Variants in HRH3 observed in about 807,000 individuals in gnomAD.
The protein encoded by HRH3 is histamine H3 receptor.
HRH3 carries 13 observed loss-of-function variants against 21.6 expected under a neutral mutation model. The ratio of observed to expected loss-of-function variants is 0.60; its 90% confidence interval spans 0.39 to 0.96. The LOEUF (loss-of-function observed/expected upper bound fraction) is 0.96. Among genes scored for constraint, HRH3 ranks in the 40% least tolerant of loss-of-function variants. The pLI is 0.00. For synonymous variants in HRH3, 276 were observed against 290.3 expected, an observed-to-expected ratio of 0.95 and a Z score of 0.50; for missense variants, 461 against 622.7, an observed-to-expected ratio of 0.74 and a Z score of 2.76.
In HRH3 at chr20:62,219,609, C is replaced by T; in HGVS notation, c.250+112G>A. Reference sequence around the variant, plus strand: ...GGACGCCCCCTTCCCAGGCCGGGTCCCCTGGTGGGGCGTGTGCCTGCGGGA... The same window carrying T: ...GGACGCCCCCTTCCCAGGCCGGGTCTCCTGGTGGGGCGTGTGCCTGCGGGA... On this transcript the variant is annotated intron_variant, in intron 1 of 2. Coordinates refer to ENST00000340177, the MANE Select transcript of HRH3 (RefSeq NM_007232.3). This position sits in a 1 kb window ranked among gnomAD's most constrained non-coding sequence, Gnocchi z 8.7. The T allele has an allele frequency of 3.7e-6, 5 of 1,366,666 alleles. No individual in the cohort carries two copies. The highest frequency in any genetic ancestry group is 4.9e-6 in the Non-Finnish European group (5 of 1,024,920). The allele number at this position is 1,366,666 out of a possible 1,614,324, so 84.7% of individuals were successfully genotyped here.
rs1399991408 is a variant in HRH3 at position 62,219,924 on chromosome 20, A to G, written c.47T>C (p.Leu16Pro). The G allele has an allele frequency of 1.2e-5, 15 of 1,294,462 alleles. No homozygotes were observed. The highest frequency in any genetic ancestry group is 1.5e-5 in the Non-Finnish European group (15 of 1,028,432). 80.2% of individuals were successfully genotyped at this position (1,294,462 alleles called of 1,614,324 possible). Reference sequence around the variant, plus strand: ...GCCCGCCGCCGCCGCCTCGCCCGCCAGCGCCCCCGAAGCGTTCAGCGGCCC... The same window carrying G: ...GCCCGCCGCCGCCGCCTCGCCCGCCGGCGCCCCCGAAGCGTTCAGCGGCCC... ...PDGPLNASGA[L>P]AGEAAAAGGA... Residue 16 changes from leucine (L) to proline (P), a missense_variant, in exon 1 of 3, where the codon CTG (leucine) becomes CCG (proline). Leu to Pro is a moderately conservative substitution (Grantham distance 98, BLOSUM62 -3). Transcript: ENST00000340177. This position sits in a 1 kb window ranked among gnomAD's most constrained non-coding sequence, Gnocchi z 8.7.
intron 2 of HRH3, among the ~76,000 whole-genome samples, chr20:62,217,329 G>A (rs774848384): frequency 4.6e-5 from 7 of 152,232 alleles, no homozygotes; most frequent in Non-Finnish European, 1.0e-4. Flanking sequence ...ATCCTGCAAA[G>A]GCCCGAGCCA....
Position 62,219,713 on chromosome 20 carries a change from G to A in HRH3, c.250+8C>T. 6.3e-7 allele frequency: 1 copy of A among 1,592,864 alleles called. No individual in the cohort carries two copies. The highest frequency in any genetic ancestry group is 8.6e-7 in the Non-Finnish European group (1 of 1,169,186). On this transcript the variant is annotated splice_region_variant and intron_variant, in intron 1 of 2. Coordinates refer to ENST00000340177, the MANE Select transcript of HRH3 (RefSeq NM_007232.3). The surrounding 1 kb of genome is among the most constrained non-coding windows in gnomAD (Gnocchi z 8.7). ...TGGGTCCCCAGCGGCCAGGGGCTGG[G>A]GATTTACCGACGAGGAAGTCGGAGA...
chr20:62,216,001 G>A lies in HRH3; in HGVS notation c.*5C>T, dbSNP rs1978524009. Reference sequence around the variant, plus strand: ...GCGTGGCTGAGGGAGGCTCTGGTGGGCCACTCACTTCCAGCAGTGCTCCAG... The same window carrying A: ...GCGTGGCTGAGGGAGGCTCTGGTGGACCACTCACTTCCAGCAGTGCTCCAG... On this transcript the variant is annotated 3_prime_UTR_variant, in exon 3 of 3. Transcript: ENST00000340177. 1.3e-6 allele frequency: 2 copies of A among 1,556,300 alleles called. No homozygotes were observed. Among genetic ancestry groups the A allele is most frequent in the Non-Finnish European group, 8.7e-7 (1 of 1,149,342 alleles).
rs775092665 is a variant in HRH3 at position 62,216,634 on chromosome 20, C to G, written c.710G>C (p.Arg237Pro). 2.4e-5 allele frequency: 38 copies of G among 1,612,234 alleles called. No homozygotes were observed. Among genetic ancestry groups the G allele is most frequent in the Non-Finnish European group, 3.1e-5 (37 of 1,179,710 alleles). The part of the protein sequence containing the change: ...RRTRLRLDGA[R>P]EAAGPEPPPE... ...AGGGGGCTCGGGGCCGGCTGCCTCT[C>G]GAGCCCCATCCAGCCGGAGGCGGGT... Residue 237 changes from arginine (R) to proline (P), a missense_variant, in exon 3 of 3, where the codon CGA becomes CCA. Transcript: ENST00000340177.
At position 62,219,596 on chromosome 20, in the gene HRH3, C is replaced by T; in HGVS notation, c.250+125G>A. 1 of 1,284,240 alleles carries T rather than the reference C, an allele frequency of 7.8e-7. No homozygotes were observed. The highest frequency in any genetic ancestry group is 1.0e-6 in the Non-Finnish European group (1 of 958,926). 79.6% of individuals were successfully genotyped at this position (1,284,240 alleles called of 1,614,324 possible). On this transcript the variant is annotated intron_variant, in intron 1 of 2. Coordinates refer to ENST00000340177, the MANE Select transcript of HRH3 (RefSeq NM_007232.3). The surrounding 1 kb of genome is among the most constrained non-coding windows in gnomAD (Gnocchi z 8.7). ...CCCCATGGGCTCCGGACGCCCCCTTCCCAGGCCGGGTCCCCTGGTGGGGCG... is the reference window on the plus strand; with the variant it reads ...CCCCATGGGCTCCGGACGCCCCCTTTCCAGGCCGGGTCCCCTGGTGGGGCG...
At chr20:62,217,113 G>A (rs959760354) in intron 2 of HRH3, among the ~76,000 whole-genome samples, 187 bp from the exon 3 acceptor site, 3 of 151,916 alleles carry the variant, frequency 2.0e-5, no homozygotes, top group African/African-American at 4.8e-5. Flanking sequence ...TCCCGGACTG[G>A]TGCCCTGCCA....
Position 62,214,987 on chromosome 20 carries a change from T to C in HRH3, c.*1019A>G. 2 of 230,814 alleles carry C rather than the reference T, an allele frequency of 8.7e-6. No individual in the cohort carries two copies. The highest frequency in any genetic ancestry group is 8.8e-6 in the Non-Finnish European group (1 of 114,280). The allele number at this position is 230,814 out of a possible 1,614,324, so 14.3% of individuals were successfully genotyped here. A position where few individuals can be genotyped will look rare whatever the true frequency, so the allele number is the denominator to read the frequency against. On this transcript the variant is annotated 3_prime_UTR_variant, in exon 3 of 3. Transcript: ENST00000340177. ...AGCACCAATAAAAAAATACACTTTA[T>C]TGTGACCTCACGGTTTGCAGGGCAG... is the stretch of plus-strand genomic sequence containing the variant.
Position 62,219,135 on chromosome 20 carries a change from A to C in HRH3, c.251-478T>G, listed in dbSNP as rs1474643915. The stretch of plus-strand genomic sequence containing the variant: ...CACTTGGTTGCAGCCGCCAGCCGCC[A>C]GCCGCTACTACTACTGCCAAGCGGG... On this transcript the variant is annotated intron_variant, in intron 1 of 2. Coordinates refer to ENST00000340177, the MANE Select transcript of HRH3 (RefSeq NM_007232.3). This position sits in a 1 kb window ranked among gnomAD's most constrained non-coding sequence, Gnocchi z 8.7. Among the ~76,000 whole-genome samples the C allele has an allele frequency of 6.6e-6, 1 of 152,112 alleles. No homozygotes were observed. The highest frequency in any genetic ancestry group is 1.5e-5 in the Non-Finnish European group (1 of 67,992).
Position 62,219,981 on chromosome 20 carries a change from G to C in HRH3, c.-11C>G. 1 of 1,014,658 alleles carries C rather than the reference G, an allele frequency of 9.9e-7. No individual in the cohort carries two copies. The highest frequency in any genetic ancestry group is 1.2e-6 in the Non-Finnish European group (1 of 851,762). The allele number at this position is 1,014,658 out of a possible 1,614,324, so 62.9% of individuals were successfully genotyped here. ...CGGCGCGCGCTCCATGGCCCCGCAG[G>C]CTCACGCGGCTCCGGGACGCGGGGC... On this transcript the variant is annotated 5_prime_UTR_variant, in exon 1 of 3. Transcript: ENST00000340177. This position sits in a 1 kb window ranked among gnomAD's most constrained non-coding sequence, Gnocchi z 8.7.
Position 62,219,902 on chromosome 20 carries a change from C to A in HRH3, c.69G>T (p.Ala23=). The A allele has an allele frequency of 7.7e-7, 1 of 1,305,748 alleles. No homozygotes were observed. The highest frequency in any genetic ancestry group is 9.7e-7 in the Non-Finnish European group (1 of 1,030,268). The allele number at this position is 1,305,748 out of a possible 1,614,324, so 80.9% of individuals were successfully genotyped here. The change falls in exon 1 of 3, where the codon GCG becomes GCT. Residue 23 remains alanine, a synonymous_variant. Coordinates refer to ENST00000340177, the MANE Select transcript of HRH3 (RefSeq NM_007232.3). The surrounding 1 kb of genome is among the most constrained non-coding windows in gnomAD (Gnocchi z 8.7). ...CTGCCGAGAAGCCGCGCGCCCCGCC[C>A]GCCGCCGCCGCCTCGCCCGCCAGCG... is the stretch of plus-strand genomic sequence containing the variant. ...SGALAGEAAA[A]GGARGFSAAW... is the part of the protein sequence containing the mutation.
At position 62,218,665 on chromosome 20, in the gene HRH3, G is replaced by T; in HGVS notation, c.251-8C>A. ...GTGGGATGCAGAAGGCGCCTGTGGGGAGTAGGGCCACAGTGGGACCATGCA... is the reference window on the plus strand; with the variant it reads ...GTGGGATGCAGAAGGCGCCTGTGGGTAGTAGGGCCACAGTGGGACCATGCA... On this transcript the variant is annotated splice_region_variant and splice_polypyrimidine_tract_variant and intron_variant, in intron 1 of 2. Transcript: ENST00000340177. This position sits in a 1 kb window ranked among gnomAD's most constrained non-coding sequence, Gnocchi z 5.6. The T allele has an allele frequency of 6.2e-7, 1 of 1,610,808 alleles. No individual in the cohort carries two copies. Among genetic ancestry groups the T allele is most frequent in the Non-Finnish European group, 8.5e-7 (1 of 1,179,576 alleles).
Position 62,216,932 on chromosome 20 carries a change from G to A in HRH3, c.418-6C>T. On this transcript the variant is annotated splice_region_variant and splice_polypyrimidine_tract_variant and intron_variant, in intron 2 of 2. Transcript: ENST00000340177. ...TGCTGGGCCCGGTATGAGACCTGCA[G>A]AAGGGCAGGCTGGTCAGGGGCGGGG... 1 of 1,593,310 alleles carries A rather than the reference G, an allele frequency of 6.3e-7. No homozygotes were observed. Among genetic ancestry groups the A allele is most frequent in the Non-Finnish European group, 8.6e-7 (1 of 1,168,146 alleles).
rs1472912365 is a variant in HRH3 at position 62,219,284 on chromosome 20, C to A, written c.250+437G>T. Among the ~76,000 whole-genome samples, 1 of 148,724 alleles carries A rather than the reference C, an allele frequency of 6.7e-6. No individual in the cohort carries two copies. Among genetic ancestry groups the A allele is most frequent in the African/African-American group, 2.5e-5 (1 of 40,118 alleles). On this transcript the variant is annotated intron_variant, in intron 1 of 2. Coordinates refer to ENST00000340177, the MANE Select transcript of HRH3 (RefSeq NM_007232.3). The surrounding 1 kb of genome is among the most constrained non-coding windows in gnomAD (Gnocchi z 8.7). ...ACACGTGAGAGCACGCTCCTCCGAG[C>A]GTCTCCCCCAACCCCCACCTTCCCC...
chr20:62,217,021 C>G (rs1978597335), intron 2 of HRH3, 95 bp from the exon 3 acceptor site: 1 of 1,191,490 alleles, frequency 8.4e-7, no homozygotes, highest in Middle Eastern at 2.9e-4. Flanking sequence ...GCCCTTCCCT[C>G]AGCAGCAATG....
rs1283381452 is a variant in HRH3 at position 62,219,421 on chromosome 20, CTTTG to C, written c.250+296_250+299del. Among the ~76,000 whole-genome samples, 1 of 152,326 alleles carries C rather than the reference CTTTG, an allele frequency of 6.6e-6. No individual in the cohort carries two copies. Among genetic ancestry groups the C allele is most frequent in the East Asian group, 1.9e-4 (1 of 5,176 alleles). On this transcript the variant is annotated intron_variant, in intron 1 of 2. Transcript: ENST00000340177. The surrounding 1 kb of genome is among the most constrained non-coding windows in gnomAD (Gnocchi z 8.7). ...CCGCGCGTCCTAAGTCCGCAGCAGC[CTTTG>C]TTTGGCTACAGCGCAGGAGCCAGAG...
At position 62,216,945 on chromosome 20, in the gene HRH3, G is replaced by T. The variant is rs538922754; in HGVS notation, c.418-19C>A. On this transcript the variant is annotated intron_variant, in intron 2 of 2. Transcript: ENST00000340177. ...ATGAGACCTGCAGAAGGGCAGGCTG[G>T]TCAGGGGCGGGGCGGAAGGAATATT... is the stretch of plus-strand genomic sequence containing the variant. The T allele has an allele frequency of 1.9e-6, 3 of 1,579,214 alleles. No individual in the cohort carries two copies. In the South Asian group the frequency reaches 3.5e-5, roughly 18 times the overall value.
chr20:62,215,203 G>A lies in HRH3; in HGVS notation c.*803C>T. ...TGAGCAAACAGAGTGGCCGGGGCAGGCTTGGCCACCAGGGCTGGTGTGAGC... is the reference window on the plus strand; with the variant it reads ...TGAGCAAACAGAGTGGCCGGGGCAGACTTGGCCACCAGGGCTGGTGTGAGC... On this transcript the variant is annotated 3_prime_UTR_variant, in exon 3 of 3. Coordinates refer to ENST00000340177, the MANE Select transcript of HRH3 (RefSeq NM_007232.3). The A allele has an allele frequency of 2.5e-6, 1 of 392,652 alleles. No homozygotes were observed. Among genetic ancestry groups the A allele is most frequent in the Non-Finnish European group, 5.1e-6 (1 of 195,368 alleles). 24.3% of individuals were successfully genotyped at this position (392,652 alleles called of 1,614,324 possible).
rs549738943 is a variant in HRH3 at position 62,216,858 on chromosome 20, C to T, written c.486G>A (p.Leu162=). Residue 162 remains leucine (L), a synonymous_variant, in exon 3 of 3, where the codon CTG becomes CTA. Coordinates refer to ENST00000340177, the MANE Select transcript of HRH3 (RefSeq NM_007232.3). ...AVRKMLLVWV[L]AFLLYGPAIL... ...TGGCTGGTCCGTACAGCAGGAAGGC[C>T]AGCACCCACACCAGCAGCATCTTCC... 8.7e-6 allele frequency: 14 copies of T among 1,612,656 alleles called. No individual in the cohort carries two copies. In the African/African-American group the frequency reaches 1.9e-4, roughly 21 times the overall value.
Sources: allele counts gnomAD v4.1 joint callset (sites outside exome capture counted in the v4.1 genomes callset), GRCh38; gene constraint gnomAD v4.1.1; non-coding constraint Gnocchi (gnomAD v3.1); transcripts MANE v1.5; gene names NCBI Gene and HGNC (gene_info 2026-07-23, HGNC 2026-07-21).